MTURN: variants seen among roughly 807,000 people sequenced by gnomAD.
The protein encoded by MTURN is maturin, neural progenitor differentiation regulator homolog.
Under a neutral mutation model 14.9 loss-of-function variants are expected in MTURN, and 7 were observed. The ratio of observed to expected loss-of-function variants is 0.47; its 90% CI spans 0.27 to 0.88. The LOEUF (loss-of-function observed/expected upper bound fraction) is 0.88. Among genes scored for constraint, MTURN ranks in the 40% least tolerant of loss-of-function variants. The probability of loss-of-function intolerance (pLI) is 0.14; values close to 1 mark genes in which losing one functional copy is unlikely to be tolerated. For synonymous variants in MTURN, 69 were observed against 72.5 expected (o/e 0.95, Z 0.25); for missense variants, 151 against 174.1 (o/e 0.87, Z 0.75).
intron 1 of MTURN, among the ~76,000 whole-genome samples, chr7:30,145,151 T>C (rs1225490219): frequency 6.6e-6 from 1 of 152,138 alleles, no homozygotes; most frequent in African/African-American, 2.4e-5. Context: ...GAGGCTTGCC[T>C]AGTCTTAAAG....
intron 1 of MTURN, among the ~76,000 whole-genome samples, chr7:30,142,942 T>C (rs1797073851): frequency 6.6e-6 from 1 of 152,184 alleles, no homozygotes; most frequent in African/African-American, 2.4e-5. Context: ...TGGTTACACA[T>C]GCTTAAAATA....
chr7:30,158,480 C>T lies in MTURN; in HGVS notation c.*932C>T, dbSNP rs1797321416. 1 of 150,892 alleles carries T rather than the reference C, an allele frequency of 6.6e-6. No homozygotes were observed. The highest frequency in any genetic ancestry group is 2.5e-5 in the African/African-American group (1 of 40,674). The allele number at this position is 150,892 out of a possible 1,614,324, so 9.3% of individuals were successfully genotyped here. On this transcript the variant is annotated 3_prime_UTR_variant, in exon 3 of 3. Transcript: ENST00000324453. ...AAAGTTTTTAAAAATATGGTAGAAT[C>T]CTTCTTTACTTTTTAAGTCTTTTAT...
chr7:30,150,283 C>T (rs901620327), intron 2 of MTURN, among the ~76,000 whole-genome samples: 2 of 152,092 alleles, frequency 1.3e-5, no homozygotes, highest in Non-Finnish European at 1.5e-5. Flanking sequence ...AGCAGGTTAC[C>T]GTTGGGGGGA....
intron 1 of MTURN, among the ~76,000 whole-genome samples, chr7:30,137,073 G>C (rs62447373): frequency 0.034 from 5,240 of 152,274 alleles, 125 homozygotes; most frequent in Non-Finnish European, 0.051. Flanking sequence ...TTTTTGGAAG[G>C]AGTGGGAGAT....
Position 30,159,921 on chromosome 7 carries a change from T to C in MTURN, c.*2373T>C, listed in dbSNP as rs981125632. On this transcript the variant is annotated 3_prime_UTR_variant, in exon 3 of 3. Transcript: ENST00000324453. ...GGTTTCTGTTATGGAAATGGTTCCATGGTGAAACACATCCCTGACCCTTCA... is the reference window on the plus strand; with the variant it reads ...GGTTTCTGTTATGGAAATGGTTCCACGGTGAAACACATCCCTGACCCTTCA... 1.3e-5 allele frequency: 2 copies of C among 152,420 alleles called. No homozygotes were observed. Among genetic ancestry groups the C allele is most frequent in the South Asian group, 2.1e-4 (1 of 4,834 alleles). 9.4% of individuals were successfully genotyped at this position (152,420 alleles called of 1,614,324 possible).
intron 1 of MTURN, among the ~76,000 whole-genome samples, chr7:30,138,402 A>G (rs779719603): frequency 4.6e-5 from 7 of 152,144 alleles, no homozygotes; most frequent in Non-Finnish European, 8.8e-5. Flanking sequence ...GGCGTGAGCC[A>G]CTGCACCTGG....
At position 30,158,573 on chromosome 7, in the gene MTURN, G is replaced by A. The variant is rs1401486160; in HGVS notation, c.*1025G>A. ...ATTTAAAAATTTAATCACATGTTTC[G>A]AGGGACTTAATTGTGGTGTATTTGT... On this transcript the variant is annotated 3_prime_UTR_variant, in exon 3 of 3. Coordinates refer to ENST00000324453, the MANE Select transcript of MTURN (RefSeq NM_152793.3). 1 of 151,954 alleles carries A rather than the reference G, an allele frequency of 6.6e-6. No homozygotes were observed. The highest frequency in any genetic ancestry group is 1.9e-4 in the East Asian group (1 of 5,176). The allele number at this position is 151,954 out of a possible 1,614,324, so 9.4% of individuals were successfully genotyped here. A position where few individuals can be genotyped will look rare whatever the true frequency, so the allele number is the denominator to read the frequency against.
At chr7:30,145,599 G>C (rs1289852215) in intron 1 of MTURN, among the ~76,000 whole-genome samples, 1 of 152,208 alleles carries the variant, frequency 6.6e-6, no homozygotes, top group Non-Finnish European at 1.5e-5. Flanking sequence ...AAGCATTTTA[G>C]GGAAGGGAAG....
At chr7:30,135,868 C>T (rs879866361) in intron 1 of MTURN, among the ~76,000 whole-genome samples, 1 of 152,262 alleles carries the variant, frequency 6.6e-6, no homozygotes, top group Non-Finnish European at 1.5e-5. Context: ...CCTGTTTGGA[C>T]ACAAAGCTCT....
rs1414226953 is a variant in MTURN, at chr7:30,134,998, AT to A, written c.-138del. The A allele has an allele frequency of 1.5e-6, 1 of 662,070 alleles. No individual in the cohort carries two copies. The highest frequency in any genetic ancestry group is 1.9e-6 in the Non-Finnish European group (1 of 527,476). 41.0% of individuals were successfully genotyped at this position (662,070 alleles called of 1,614,324 possible). A position where few individuals can be genotyped will look rare whatever the true frequency, so the allele number is the denominator to read the frequency against. On this transcript the variant is annotated 5_prime_UTR_variant, in exon 1 of 3. The change abolishes an upstream ATG in the 5' untranslated region. Transcript: ENST00000324453. Reference sequence around the variant, plus strand: ...CGCCGCCCGCCCCACTCCGCACCGCATGTAAACAGTCCCAGCCGGCCCAGCC... The same window carrying A: ...CGCCGCCCGCCCCACTCCGCACCGCAGTAAACAGTCCCAGCCGGCCCAGCC...
chr7:30,135,793 G>C (rs1562565908), intron 1 of MTURN, among the ~76,000 whole-genome samples: 1 of 152,206 alleles, frequency 6.6e-6, no homozygotes, highest in Admixed American at 6.5e-5. Flanking sequence ...CCCAGCCTCG[G>C]CTCCTCGCAT....
chr7:30,156,984 T>C (rs2128034362), intron 2 of MTURN, among the ~76,000 whole-genome samples: 1 of 152,318 alleles, frequency 6.6e-6, no homozygotes, highest in South Asian at 2.1e-4. Context: ...CTGTTGAACA[T>C]TTTAGTTGTC....
At position 30,145,309 on chromosome 7, in the gene MTURN, A is replaced by C. The variant is rs528110242; in HGVS notation, c.163-868A>C. On this transcript the variant is annotated intron_variant, in intron 1 of 2. Coordinates refer to ENST00000324453, the MANE Select transcript of MTURN (RefSeq NM_152793.3). ...GTGGATCGAGACCAGCCTGGGCAAC[A>C]TGGCGAAACCCTGTCTCTACCAAAA... Among the ~76,000 whole-genome samples the C allele has an allele frequency of 2.6e-5, 4 of 152,264 alleles. No individual in the cohort carries two copies. The South Asian group carries it at 8.3e-4, about 32-fold the overall frequency.
intron 1 of MTURN, among the ~76,000 whole-genome samples, chr7:30,142,383 A>C (rs2128030875): frequency 1.3e-5 from 2 of 152,196 alleles, no homozygotes; most frequent in South Asian, 4.1e-4. Flanking sequence ...AGCTGGCTAT[A>C]GTCAGTAATG....
intron 2 of MTURN, among the ~76,000 whole-genome samples, chr7:30,146,968 C>A (rs1271666694): frequency 6.6e-6 from 1 of 152,206 alleles, no homozygotes; most frequent in East Asian, 1.9e-4. Flanking sequence ...TCACCAGTGT[C>A]TCAGTGTTTC....
intron 2 of MTURN, among the ~76,000 whole-genome samples, chr7:30,151,713 G>C (rs1005029477): frequency 1.3e-5 from 2 of 152,104 alleles, no homozygotes; most frequent in Non-Finnish European, 2.9e-5. Flanking sequence ...AGTTTTTTGT[G>C]CTGTTTGGTT....
chr7:30,144,928 CTTTTTT>C (rs11411711), intron 1 of MTURN, among the ~76,000 whole-genome samples: 26 of 73,974 alleles, frequency 3.5e-4, no homozygotes, highest in East Asian at 1.1e-3. Context: ...GACCTCAATA[CTTTTTT>C]TTTTTTTTTT....
chr7:30,144,281 C>T (rs886159978), intron 1 of MTURN, among the ~76,000 whole-genome samples: 4 of 152,176 alleles, frequency 2.6e-5, no homozygotes, highest in African/African-American at 4.8e-5. Flanking sequence ...ATGTTAATCC[C>T]CTCTTTAACT....
intron 2 of MTURN, among the ~76,000 whole-genome samples, chr7:30,152,674 C>T (rs940915146): frequency 6.6e-6 from 1 of 152,204 alleles, no homozygotes; most frequent in African/African-American, 2.4e-5. Flanking sequence ...GGTACAGACA[C>T]CACCTCCCCT....
Sources: allele counts gnomAD v4.1 joint callset (sites outside exome capture counted in the v4.1 genomes callset), GRCh38; gene constraint gnomAD v4.1.1; transcripts MANE v1.5; gene names NCBI Gene and HGNC (gene_info 2026-07-23, HGNC 2026-07-21).